PTPN23: variants seen among roughly 807,000 people sequenced by gnomAD.
PTPN23 encodes tyrosine-protein phosphatase non-receptor type 23.
A neutral mutation model predicts 156.3 loss-of-function variants in PTPN23; 72 were observed. The ratio of observed to expected loss-of-function variants is 0.46; its 90% CI spans 0.38 to 0.56. The LOEUF (loss-of-function observed/expected upper bound fraction) is 0.56, where lower values mean the gene tolerates loss of function less well. Ranked by LOEUF, PTPN23 falls within the 20% of genes least tolerant of loss-of-function variation. The pLI, the probability that PTPN23 is intolerant of heterozygous loss-of-function variation, is 0.00. For missense variants in PTPN23, 1,974 were observed against 2,171.5 expected, an observed-to-expected ratio of 0.91 and a Z score of 1.81; for synonymous variants, 957 against 899.6, an observed-to-expected ratio of 1.06 and a Z score of -1.14.
Position 47,408,010 on chromosome 3 carries a change from T to G in PTPN23, c.1184+55T>G, listed in dbSNP as rs1480966964. On this transcript the variant is annotated intron_variant, in intron 14 of 24. Transcript: ENST00000265562. ...AGGCAGGCAGCACTTCCCGGGCCTC[T>G]GGGGGCCCCAGGGCTGCCTATGCTG... 1.9e-6 allele frequency: 3 copies of G among 1,582,118 alleles called. No individual in the cohort carries two copies. In the African/African-American group the frequency reaches 4.0e-5, roughly 21 times the overall value.
Position 47,381,060 on chromosome 3 carries a change from A to T in PTPN23, c.-37A>T, listed in dbSNP as rs189944872. 98 of 1,554,142 alleles carry T rather than the reference A, an allele frequency of 6.3e-5. No individual in the cohort carries two copies. The East Asian group carries it at 2.2e-3, about 35-fold the overall frequency. ...GGCTGAGCCAGCAGCTGCAGCAGCTACGGGAGTGGCCGGGTGGCCGGCGGG... is the reference window on the plus strand; with the variant it reads ...GGCTGAGCCAGCAGCTGCAGCAGCTTCGGGAGTGGCCGGGTGGCCGGCGGG... On this transcript the variant is annotated 5_prime_UTR_variant, in exon 1 of 25. Coordinates refer to ENST00000265562, the MANE Select transcript of PTPN23 (RefSeq NM_015466.4).
intron 1 of PTPN23, 65 bp downstream of exon 1, chr3:47,381,245 GC>G (rs985058526): frequency 5.9e-6 from 9 of 1,538,270 alleles, no homozygotes; most frequent in Admixed American, 2.0e-5. Flanking sequence ...AGCGCGTGAC[GC>G]CCCCCTGCGC....
chr3:47,405,488 G>A lies in PTPN23; in HGVS notation c.365-261G>A, dbSNP rs1000544545. 2 of 560,564 alleles carry A rather than the reference G, an allele frequency of 3.6e-6. No individual in the cohort carries two copies. The highest frequency in any genetic ancestry group is 3.1e-5 in the East Asian group (1 of 32,272). The allele number at this position is 560,564 out of a possible 1,614,324, so 34.7% of individuals were successfully genotyped here. A position where few individuals can be genotyped will look rare whatever the true frequency, so the allele number is the denominator to read the frequency against. ...AGCTTGGGGAGCCCCAGAGTTCTGT[G>A]CAAACATCCCTGAAGCTTCAAGATT... On this transcript the variant is annotated intron_variant, in intron 4 of 24. Coordinates refer to ENST00000265562, the MANE Select transcript of PTPN23 (RefSeq NM_015466.4). The surrounding 1 kb of genome is among the most constrained non-coding windows in gnomAD (Gnocchi z 4.7).
In PTPN23 at chr3:47,410,479, ACACAGCCC is replaced by A; in HGVS notation, c.2685_2692del (p.Pro897LysfsTer30). 3 of 1,607,606 alleles carry A rather than the reference ACACAGCCC, an allele frequency of 1.9e-6. No individual in the cohort carries two copies. The highest frequency in any genetic ancestry group is 2.5e-6 in the Non-Finnish European group (3 of 1,177,542). ...AGCATCCAGGCGCCCATCCCCAGCC[ACACAGCCC>A]CACGGCCAAACCCCACCCCTGCTCC... On this transcript the variant is annotated frameshift_variant, in exon 20 of 25. Transcript: ENST00000265562. LOFTEE classifies it high-confidence loss of function.
Position 47,412,919 on chromosome 3 carries a change from T to TCCTCC in PTPN23, c.4648_4652dup (p.Leu1552ProfsTer34). 1.3e-6 allele frequency: 2 copies of TCCTCC among 1,578,326 alleles called. No homozygotes were observed. The highest frequency in any genetic ancestry group is 1.7e-5 in the Admixed American group (1 of 58,368). ...CCCATCTTCCTCCCCGCCCCCCCTT[T>TCCTCC]CCTCCCCACTACCTGAGGCTCCCCA... On this transcript the variant is annotated frameshift_variant, in exon 25 of 25. Coordinates refer to ENST00000265562, the MANE Select transcript of PTPN23 (RefSeq NM_015466.4). LOFTEE classifies it high-confidence loss of function.
At position 47,406,517 on chromosome 3, in the gene PTPN23, G is replaced by C; in HGVS notation, c.664G>C (p.Glu222Gln). ...CTACAAGGAGGCATGCCGGGCCTTG[G>C]AGAACCCCGACACTGCCTCACTGCT... ...DYYKEACRAL[E>Q]NPDTASLLGR... Residue 222 changes from glutamate to glutamine, a missense_variant, in exon 8 of 25, where the codon GAG becomes CAG. Physicochemically the swap from Glu to Gln is conservative, Grantham distance 29. This residue lies in a region of PTPN23 where 726 missense variants were observed against 929.5 expected (regional missense o/e 0.78). Coordinates refer to ENST00000265562, the MANE Select transcript of PTPN23 (RefSeq NM_015466.4). The surrounding 1 kb of genome is among the most constrained non-coding windows in gnomAD (Gnocchi z 5.8). 1 of 1,614,012 alleles carries C rather than the reference G, an allele frequency of 6.2e-7. No individual in the cohort carries two copies. The highest frequency in any genetic ancestry group is 8.5e-7 in the Non-Finnish European group (1 of 1,180,020).
In PTPN23 at chr3:47,407,697, G is replaced by A; in HGVS notation, c.1004G>A (p.Gly335Glu). The A allele has an allele frequency of 6.2e-7, 1 of 1,613,182 alleles. No homozygotes were observed. The change falls in exon 13 of 25, where the codon GGA becomes GAA. Residue 335 changes from glycine to glutamate, a missense_variant and splice_region_variant. Physicochemically the swap from Gly to Glu is moderately conservative, Grantham distance 98 (BLOSUM62 -2). This residue lies in a region of PTPN23 where 726 missense variants were observed against 929.5 expected (regional missense o/e 0.78). Coordinates refer to ENST00000265562, the MANE Select transcript of PTPN23 (RefSeq NM_015466.4). This position sits in a 1 kb window ranked among gnomAD's most constrained non-coding sequence, Gnocchi z 4.0. ...ATCTCCACAATTCCCACCCCCCCAGGAGCCCCCTTGGTGAAGCCCTTGCCA... is the reference window on the plus strand; with the variant it reads ...ATCTCCACAATTCCCACCCCCCCAGAAGCCCCCTTGGTGAAGCCCTTGCCA... ...PALDTLQPVK[G>E]APLVKPLPVN...
chr3:47,403,407 G>GA (rs1705046533), intron 2 of PTPN23, among the ~76,000 whole-genome samples: 1 of 151,856 alleles, frequency 6.6e-6, no homozygotes. Context: ...CTTAACATAT[G>GA]AGTAACTAGA....
chr3:47,385,482 G>A (rs979223531), intron 1 of PTPN23, among the ~76,000 whole-genome samples: 2 of 152,078 alleles, frequency 1.3e-5, no homozygotes, highest in African/African-American at 4.8e-5. Context: ...TTTGAGACCA[G>A]CCTGGCCAAT....
Position 47,409,156 on chromosome 3 carries a change from C to A in PTPN23, c.1643-7C>A. On this transcript the variant is annotated splice_polypyrimidine_tract_variant and splice_region_variant and intron_variant, in intron 16 of 24. Coordinates refer to ENST00000265562, the MANE Select transcript of PTPN23 (RefSeq NM_015466.4). Reference sequence around the variant, plus strand: ...TCTCTGGCCTCACTGACCACTGCTGCCCACAGAGGACAAGGCCGTGCTGCA... The same window carrying A: ...TCTCTGGCCTCACTGACCACTGCTGACCACAGAGGACAAGGCCGTGCTGCA... 1 of 1,612,020 alleles carries A rather than the reference C, an allele frequency of 6.2e-7. No homozygotes were observed. Among genetic ancestry groups the A allele is most frequent in the Non-Finnish European group, 8.5e-7 (1 of 1,178,584 alleles).
chr3:47,409,390 C>T (rs752668020), intron 17 of PTPN23, 27 bp from the exon 18 acceptor site: 30 of 1,613,624 alleles, frequency 1.9e-5, no homozygotes, highest in African/African-American at 1.3e-4. Context: ...CCTGAGTGTC[C>T]GTCCCTGGCC....
intron 2 of PTPN23, among the ~76,000 whole-genome samples, chr3:47,403,454 C>G (rs182919735): frequency 6.6e-6 from 1 of 152,098 alleles, no homozygotes; most frequent in Admixed American, 6.6e-5. Flanking sequence ...GCAGCATATT[C>G]TCTTGTGAGG....
Position 47,407,242 on chromosome 3 carries a change from C to A in PTPN23, c.864+56C>A. The stretch of plus-strand genomic sequence containing the variant: ...GGGTATAGGAGCAAGCCCGGTAGGA[C>A]TGAGGGGGTGTCCTGGTGCCAGCCT... On this transcript the variant is annotated intron_variant, in intron 10 of 24. Transcript: ENST00000265562. The surrounding 1 kb of genome is among the most constrained non-coding windows in gnomAD (Gnocchi z 4.0). The A allele has an allele frequency of 1.2e-6, 2 of 1,613,560 alleles. No individual in the cohort carries two copies. The highest frequency in any genetic ancestry group is 1.7e-6 in the Non-Finnish European group (2 of 1,179,610).
Position 47,412,762 on chromosome 3 carries a change from C to G in PTPN23, c.4488C>G (p.Ser1496Arg), listed in dbSNP as rs1447498095. 1.1e-5 allele frequency: 17 copies of G among 1,611,674 alleles called. No individual in the cohort carries two copies. Among genetic ancestry groups the G allele is most frequent in the Non-Finnish European group, 1.3e-5 (15 of 1,178,810 alleles). ...DLVLGGDVPI[S>R]SIQATIAKLS... ...TCCTCGGTGGGGATGTGCCCATCAG[C>G]TCCATCCAGGCCACCATTGCCAAGC... is the stretch of plus-strand genomic sequence containing the variant. Residue 1496 changes from serine (S) to arginine (R), a missense_variant, in exon 25 of 25, where the codon AGC becomes AGG. This residue lies in a region of PTPN23 where 484 missense variants were observed against 516.0 expected (regional missense o/e 0.94). Coordinates refer to ENST00000265562, the MANE Select transcript of PTPN23 (RefSeq NM_015466.4).
Position 47,405,727 on chromosome 3 carries a change from A to G in PTPN23, c.365-22A>G. The G allele has an allele frequency of 6.3e-7, 1 of 1,597,000 alleles. No individual in the cohort carries two copies. The highest frequency in any genetic ancestry group is 1.1e-5 in the South Asian group (1 of 88,430). On this transcript the variant is annotated intron_variant, in intron 4 of 24. Transcript: ENST00000265562. The surrounding 1 kb of genome is among the most constrained non-coding windows in gnomAD (Gnocchi z 4.7). ...GGGTGTGAGCAGCCCCAGGCCCCTA[A>G]CACTGTCCCCTCCCTCCCCAGGAGC...
At chr3:47,383,226 G>A (rs1405385297) in intron 1 of PTPN23, among the ~76,000 whole-genome samples, 1 of 152,046 alleles carries the variant, frequency 6.6e-6, no homozygotes, top group Non-Finnish European at 1.5e-5. Flanking sequence ...TTCCTCTTCT[G>A]TGCCGTTGGT....
rs1020573467 is a variant in PTPN23 at position 47,405,467 on chromosome 3, T to G, written c.365-282T>G. The G allele has an allele frequency of 9.1e-6, 5 of 547,722 alleles. No homozygotes were observed. The highest frequency in any genetic ancestry group is 1.6e-5 in the Non-Finnish European group (5 of 306,902). The allele number at this position is 547,722 out of a possible 1,614,324, so 33.9% of individuals were successfully genotyped here. ...CTTAGCCTGGCTCAAGGGAGAAGCT[T>G]GGGGAGCCCCAGAGTTCTGTGCAAA... On this transcript the variant is annotated intron_variant, in intron 4 of 24. Coordinates refer to ENST00000265562, the MANE Select transcript of PTPN23 (RefSeq NM_015466.4). This position sits in a 1 kb window ranked among gnomAD's most constrained non-coding sequence, Gnocchi z 4.7.
Position 47,411,842 on chromosome 3 carries a change from G to A in PTPN23, c.3948G>A (p.Leu1316=), listed in dbSNP as rs1222716747. 42 of 1,612,684 alleles carry A rather than the reference G, an allele frequency of 2.6e-5. No homozygotes were observed. Among genetic ancestry groups the A allele is most frequent in the Non-Finnish European group, 3.3e-5 (39 of 1,179,940 alleles). Residue 1316 remains leucine (L), a synonymous_variant, in exon 21 of 25, where the codon CTG becomes CTA. Transcript: ENST00000265562. This position sits in a 1 kb window ranked among gnomAD's most constrained non-coding sequence, Gnocchi z 6.3. ...GCCAGCCCATGGTGCACGGTGCCCTGAGCCTGGCATTGAGCAGCGTCCGCA... is the reference window on the plus strand; with the variant it reads ...GCCAGCCCATGGTGCACGGTGCCCTAAGCCTGGCATTGAGCAGCGTCCGCA... ...ERGQPMVHGA[L]SLALSSVRST... is the part of the protein sequence containing the mutation.
At chr3:47,401,754 T>C (rs1704998604) in intron 2 of PTPN23, among the ~76,000 whole-genome samples, 1 of 152,194 alleles carries the variant, frequency 6.6e-6, no homozygotes, top group African/African-American at 2.4e-5. Flanking sequence ...GAGCTGCAGC[T>C]GTGACATGCC....
Sources: gnomAD v4.1 joint callset for allele counts (sites outside exome capture counted in the v4.1 genomes callset) on GRCh38, gnomAD v4.1.1 for gene constraint, gnomAD v4.1.1 regional missense constraint, Gnocchi (gnomAD v3.1) non-coding constraint, MANE v1.5 for transcripts, NCBI Gene and HGNC (gene_info 2026-07-23, HGNC 2026-07-21) for gene names.